KCNIP4: variants seen among roughly 807,000 people sequenced by gnomAD.
KCNIP4 encodes the protein Kv channel-interacting protein 4.
In KCNIP4, 12 loss-of-function variants were observed where a neutral mutation model predicts 34.0. The ratio of observed to expected loss-of-function variants is 0.35; its 90% CI spans 0.23 to 0.57. The LOEUF is 0.57. KCNIP4 is among the 20% of genes least tolerant of loss of function. KCNIP4 has a pLI of 0.83. For missense variants in KCNIP4, 238 were observed against 311.7 expected (o/e 0.76, Z 1.78); for synonymous variants, 124 against 102.2 (o/e 1.21, Z -1.29).
At chr4:20,939,387 T>A (rs533439095) in intron 1 of KCNIP4, among the ~76,000 whole-genome samples, 1 of 152,120 alleles carries the variant, frequency 6.6e-6, no homozygotes, top group Admixed American at 6.6e-5. Flanking sequence ...TATTTATTTA[T>A]TTATTTTTTG....
chr4:20,951,873 G>A (rs953400319), intron 1 of KCNIP4, among the ~76,000 whole-genome samples: 1 of 152,122 alleles, frequency 6.6e-6, no homozygotes, highest in African/African-American at 2.4e-5. Context: ...AGGATGGCTG[G>A]CTTCCTTTCT....
At chr4:20,904,331 G>GTA (rs775475074) in intron 1 of KCNIP4, among the ~76,000 whole-genome samples, 5,316 of 143,606 alleles carry the variant, frequency 0.037, 136 homozygotes, top group Admixed American at 0.086. Flanking sequence ...GTGTGTGTGT[G>GTA]TATATATATA....
intron 1 of KCNIP4, among the ~76,000 whole-genome samples, chr4:20,887,646 G>T (rs543267127): frequency 6.6e-6 from 1 of 152,074 alleles, no homozygotes; most frequent in East Asian, 1.9e-4. Context: ...TTTTACCTAT[G>T]TTTTTGAGAA....
intron 1 of KCNIP4, among the ~76,000 whole-genome samples, chr4:21,088,602 CCT>C (rs546296616): frequency 8.1e-4 from 124 of 152,250 alleles, no homozygotes; most frequent in African/African-American, 2.8e-3. Context: ...TTCATTATTT[CCT>C]CTGTGTTCCA....
intron 1 of KCNIP4, among the ~76,000 whole-genome samples, chr4:21,103,947 G>C (rs1748221806): frequency 6.6e-6 from 1 of 151,998 alleles, no homozygotes; most frequent in African/African-American, 2.4e-5. Flanking sequence ...GTATTCCATG[G>C]TGTACATGGG....
intron 1 of KCNIP4, among the ~76,000 whole-genome samples, chr4:21,003,445 C>A (rs1268214205): frequency 6.6e-6 from 1 of 152,150 alleles, no homozygotes. Context: ...GCCACTTTAC[C>A]TAAGAGTGAT....
intron 1 of KCNIP4, among the ~76,000 whole-genome samples, chr4:21,686,552 T>C (rs1001193692): frequency 5.9e-5 from 9 of 152,212 alleles, no homozygotes; most frequent in African/African-American, 2.2e-4. Context: ...TACAAATACA[T>C]TGACATTTAT....
intron 1 of KCNIP4, among the ~76,000 whole-genome samples, chr4:20,930,427 A>G (rs1730340374): frequency 6.6e-6 from 1 of 152,052 alleles, no homozygotes; most frequent in Admixed American, 6.5e-5. Flanking sequence ...ACATAGGGGG[A>G]AAAATTCCTT....
intron 1 of KCNIP4, among the ~76,000 whole-genome samples, chr4:21,287,086 TC>T (rs1560254558): frequency 6.6e-6 from 1 of 152,118 alleles, no homozygotes; most frequent in South Asian, 2.1e-4. Flanking sequence ...TAGAGTCCTC[TC>T]CCCCTGGAAG....
chr4:21,723,210 C>T (rs1319400336), intron 1 of KCNIP4, among the ~76,000 whole-genome samples: 3 of 152,112 alleles, frequency 2.0e-5, no homozygotes, highest in African/African-American at 7.2e-5. Flanking sequence ...TTACTAAAAA[C>T]AAAACAACAG....
chr4:21,285,269 A>G (rs1019689416), intron 1 of KCNIP4, among the ~76,000 whole-genome samples: 1 of 152,146 alleles, frequency 6.6e-6, no homozygotes, highest in Admixed American at 6.5e-5. Flanking sequence ...AAAATTTTAA[A>G]TATTCCCCAC....
rs570207317 is a variant in KCNIP4, at chr4:21,831,337, T to C, written c.61+117234A>G. 2.6e-3 allele frequency among the ~76,000 whole-genome samples: 389 copies of C among 150,760 alleles called. 1 individual carries two copies. The highest frequency in any genetic ancestry group is 4.8e-3 in the Non-Finnish European group (321 of 67,544). On this transcript the variant is annotated intron_variant, in intron 1 of 8. Coordinates refer to ENST00000382152, the MANE Select transcript of KCNIP4 (RefSeq NM_025221.6). ...ATAAATGAAAAAGAGACCAGAAAAA[T>C]AATAGAGAAGATCAAATAAACCAAG...
chr4:21,401,833 G>C (rs1723586703), intron 1 of KCNIP4, among the ~76,000 whole-genome samples: 1 of 152,164 alleles, frequency 6.6e-6, no homozygotes, highest in Admixed American at 6.5e-5. Context: ...AGAGGTTCTA[G>C]GCAAGCATGA....
chr4:21,937,176 A>G (rs1211247353), intron 1 of KCNIP4, among the ~76,000 whole-genome samples: 1 of 152,092 alleles, frequency 6.6e-6, no homozygotes, highest in East Asian at 1.9e-4. Context: ...CTGCATTTCC[A>G]TCTGCCTTTG....
At chr4:20,807,555 T>C (rs1217808505) in intron 3 of KCNIP4, among the ~76,000 whole-genome samples, 1 of 152,130 alleles carries the variant, frequency 6.6e-6, no homozygotes, top group Non-Finnish European at 1.5e-5. Flanking sequence ...ATACTTAGTA[T>C]CTGGCCCTTT....
At chr4:20,938,600 A>G (rs1244063355) in intron 1 of KCNIP4, among the ~76,000 whole-genome samples, 1 of 152,160 alleles carries the variant, frequency 6.6e-6, no homozygotes, top group African/African-American at 2.4e-5. Flanking sequence ...CTCTTTGATT[A>G]CATAACTGCC....
intron 1 of KCNIP4, among the ~76,000 whole-genome samples, chr4:21,102,684 T>C (rs185540298): frequency 3.3e-5 from 5 of 152,360 alleles, no homozygotes; most frequent in African/African-American, 9.6e-5. Flanking sequence ...TTGGCTCTGA[T>C]GGTAAATCTG....
At chr4:20,767,600 C>T (rs550645642) in intron 3 of KCNIP4, among the ~76,000 whole-genome samples, 4 of 152,266 alleles carry the variant, frequency 2.6e-5, no homozygotes, top group African/African-American at 9.6e-5. Context: ...TGTTGAAATG[C>T]ATGAGAAATA....
intron 1 of KCNIP4, among the ~76,000 whole-genome samples, chr4:21,834,672 G>C (rs1020799095): frequency 2.0e-4 from 30 of 152,002 alleles, no homozygotes; most frequent in African/African-American, 7.2e-4. Flanking sequence ...TCTTGTGCCA[G>C]TTTTCAAAGG....
Sources: allele counts gnomAD v4.1 joint callset (sites outside exome capture counted in the v4.1 genomes callset), GRCh38; gene constraint gnomAD v4.1.1; transcripts MANE v1.5; gene names NCBI Gene and HGNC (gene_info 2026-07-23, HGNC 2026-07-21).